NALCN: variants seen among roughly 807,000 people sequenced by gnomAD.
NALCN encodes the protein sodium leak channel, non-selective, also known as sodium leak channel NALCN.
NALCN carries 111 observed loss-of-function variants against 225.3 expected under a neutral mutation model. That is an observed-to-expected ratio of 0.49 (90% CI 0.42 to 0.58). The LOEUF is 0.58. NALCN is among the 20% of genes least tolerant of loss of function. The pLI is 0.00. For missense variants in NALCN, 1,378 were observed against 2,202.4 expected, an observed-to-expected ratio of 0.63 and a Z score of 7.49; for synonymous variants, 764 against 769.0, an observed-to-expected ratio of 0.99 and a Z score of 0.11.
intron 6 of NALCN, among the ~76,000 whole-genome samples, chr13:101,368,152 C>A (rs113644271): frequency 6.1e-5 from 7 of 114,770 alleles, no homozygotes; most frequent in Admixed American, 2.1e-4. Context: ...ATCCCTCCCC[C>A]CTCCCCCCAC....
rs1321649494 is a variant in NALCN, at chr13:101,176,286, C to T, written c.1839+14G>A. ...TTTGTCCTTTTTAAAAAAAATCCCC[C>T]ACACACTACTTACTTGTTTAAGCTT... On this transcript the variant is annotated intron_variant, in intron 15 of 43. Coordinates refer to ENST00000251127, the MANE Select transcript of NALCN (RefSeq NM_052867.4). 6.6e-7 allele frequency: 1 copy of T among 1,515,722 alleles called. No individual in the cohort carries two copies. 93.9% of individuals were successfully genotyped at this position (1,515,722 alleles called of 1,614,324 possible).
At chr13:101,079,193 A>G (rs1452984489) in intron 34 of NALCN, among the ~76,000 whole-genome samples, 5 of 152,188 alleles carry the variant, frequency 3.3e-5, no homozygotes, top group African/African-American at 1.2e-4. Flanking sequence ...GGACTAATAC[A>G]AATTTTATCT....
At chr13:101,296,365 A>T (rs1397071243) in intron 7 of NALCN, among the ~76,000 whole-genome samples, 2 of 152,220 alleles carry the variant, frequency 1.3e-5, no homozygotes, top group South Asian at 2.1e-4. Context: ...TTAATACTGC[A>T]CAGATAATTT....
In NALCN at chr13:101,218,101, C is replaced by T. The variant is rs117780001; in HGVS notation, c.1626+11292G>A. 7.3e-3 allele frequency among the ~76,000 whole-genome samples: 1,111 copies of T among 151,888 alleles called. 10 individuals are homozygous for T. Among genetic ancestry groups the T allele is most frequent in the South Asian group, 0.029 (139 of 4,808 alleles). ...ACTCAATCCTGCCAATGAGAGATGA[C>T]AGCAAGTTTGCTGGAAGGAAAGGGA... On this transcript the variant is annotated intron_variant, in intron 13 of 43. Coordinates refer to ENST00000251127, the MANE Select transcript of NALCN (RefSeq NM_052867.4).
chr13:101,308,800 A>G (rs1030091526), intron 7 of NALCN, among the ~76,000 whole-genome samples: 1 of 152,182 alleles, frequency 6.6e-6, no homozygotes, highest in African/African-American at 2.4e-5. Context: ...CAAAGTTCCA[A>G]CTGATGTCTG....
chr13:101,384,180 C>G (rs766717182), intron 3 of NALCN, among the ~76,000 whole-genome samples: 4 of 152,012 alleles, frequency 2.6e-5, no homozygotes, highest in Non-Finnish European at 4.4e-5. Context: ...AATATGCAAC[C>G]AGAAGCTAAC....
At chr13:101,388,793 CA>C (rs1197466458) in intron 3 of NALCN, among the ~76,000 whole-genome samples, 1 of 152,170 alleles carries the variant, frequency 6.6e-6, no homozygotes, top group Non-Finnish European at 1.5e-5. Flanking sequence ...TTGTTTCATT[CA>C]AATGGAACCC....
chr13:101,297,088 T>C (rs1044598245), intron 7 of NALCN, among the ~76,000 whole-genome samples: 21 of 152,214 alleles, frequency 1.4e-4, no homozygotes, highest in African/African-American at 4.6e-4. Context: ...AGAGGTGAGA[T>C]ATTTGTGTTT....
chr13:101,120,348 G>A lies in NALCN; in HGVS notation c.2192+4260C>T, dbSNP rs150271759. On this transcript the variant is annotated intron_variant, in intron 18 of 43. Coordinates refer to ENST00000251127, the MANE Select transcript of NALCN (RefSeq NM_052867.4). The stretch of plus-strand genomic sequence containing the variant: ...CTGTTAAACAGTCAGCAACTTCACC[G>A]TTGATTTCAGGCACTTCCCACAAAT... Among the ~76,000 whole-genome samples, 468 of 152,164 alleles carry A rather than the reference G, an allele frequency of 3.1e-3. 12 individuals are homozygous for A. The highest frequency in any genetic ancestry group is 0.011 in the African/African-American group (446 of 41,512).
At position 101,395,234 on chromosome 13, in the gene NALCN, A is replaced by C. The variant is rs1268888874; in HGVS notation, c.240T>G (p.Phe80Leu). The part of the protein sequence containing the change: ...VTFTLDTLLM[F>L]LYTAEMIAKM... ...TTGCTATCATCTCTGCCGTGTAGAG[A>C]AACATCAATAATGTATCCAAAGTGA... Residue 80 changes from phenylalanine to leucine, a missense_variant, in exon 3 of 44, where the codon TTT becomes TTG. By Grantham distance (22) the Phe-to-Leu change is conservative (BLOSUM62 0). This residue lies in a region of NALCN where 146 missense variants were observed against 205.9 expected (regional missense o/e 0.71). Transcript: ENST00000251127. 3.1e-6 allele frequency: 5 copies of C among 1,613,922 alleles called. No individual in the cohort carries two copies. In the African/African-American group the frequency reaches 6.7e-5, roughly 22 times the overall value.
At chr13:101,092,749 G>A (rs1423727648) in intron 28 of NALCN, among the ~76,000 whole-genome samples, 1 of 152,080 alleles carries the variant, frequency 6.6e-6, no homozygotes. Flanking sequence ...CTTCTGAGAT[G>A]TTGGTACCCC....
chr13:101,170,205 T>C (rs932209644), intron 15 of NALCN, among the ~76,000 whole-genome samples: 4 of 152,202 alleles, frequency 2.6e-5, no homozygotes, highest in Non-Finnish European at 4.4e-5. Context: ...TAAGTCCCAC[T>C]ATCTGCTCTC....
At chr13:101,337,333 G>C (rs2045414594) in intron 7 of NALCN, among the ~76,000 whole-genome samples, 1 of 149,592 alleles carries the variant, frequency 6.7e-6, no homozygotes, top group Non-Finnish European at 1.5e-5. Context: ...TTTTGAGACA[G>C]AGTCTTGCTC....
chr13:101,111,779 G>A (rs540930560), intron 18 of NALCN, among the ~76,000 whole-genome samples: 68 of 152,066 alleles, frequency 4.5e-4, no homozygotes, highest in African/African-American at 1.4e-3. Context: ...GCCTTTCACC[G>A]TCTGCTATGA....
chr13:101,254,890 CAAAAAAAAAAA>C (rs149258180), intron 11 of NALCN, among the ~76,000 whole-genome samples: 2 of 38,490 alleles, frequency 5.2e-5, no homozygotes, highest in South Asian at 3.3e-3. Context: ...GACTCTGTCT[CAAAAAAAAAAA>C]AAAAAAAAAA....
intron 40 of NALCN, among the ~76,000 whole-genome samples, chr13:101,063,099 A>G (rs1170361818): frequency 6.6e-6 from 1 of 152,182 alleles, no homozygotes. Context: ...CCCTCTTGGC[A>G]GTGTGATGCA....
rs149241096 is a variant in NALCN at position 101,207,743 on chromosome 13, T to G, written c.1627-15689A>C. ...CTGTAAAATGGACCAATCAGCAGGATGTGGGTGGGGCCAGATAAGGGAATA... is the reference window on the plus strand; with the variant it reads ...CTGTAAAATGGACCAATCAGCAGGAGGTGGGTGGGGCCAGATAAGGGAATA... On this transcript the variant is annotated intron_variant, in intron 13 of 43. Coordinates refer to ENST00000251127, the MANE Select transcript of NALCN (RefSeq NM_052867.4). Among the ~76,000 whole-genome samples the G allele has an allele frequency of 4.7e-3, 720 of 152,294 alleles. 8 individuals carry two copies. The highest frequency in any genetic ancestry group is 0.017 in the African/African-American group (701 of 41,550).
intron 11 of NALCN, among the ~76,000 whole-genome samples, chr13:101,256,765 C>CT (rs59036479): frequency 0.79 from 105,618 of 133,434 alleles, 43,685 homozygotes; most frequent in East Asian, 0.95. Context: ...CTTCTTTCTG[C>CT]TTTTTTTTTT....
At chr13:101,167,514 G>A (rs1056284826) in intron 15 of NALCN, among the ~76,000 whole-genome samples, 2 of 152,154 alleles carry the variant, frequency 1.3e-5, no homozygotes, top group Non-Finnish European at 2.9e-5. Flanking sequence ...TACTGAGCGT[G>A]TATCTGTTTT....
Sources: allele counts gnomAD v4.1 joint callset (sites outside exome capture counted in the v4.1 genomes callset), GRCh38; gene constraint gnomAD v4.1.1; regional missense constraint gnomAD v4.1.1; transcripts MANE v1.5; gene names NCBI Gene and HGNC (gene_info 2026-07-23, HGNC 2026-07-21).